Variants in TWF2 observed in about 807,000 individuals in gnomAD.
TWF2 encodes twinfilin-2.
A neutral mutation model predicts 45.1 loss-of-function variants in TWF2; 15 were observed. That is an observed-to-expected ratio of 0.33 (90% confidence interval 0.22 to 0.51). TWF2 has a LOEUF of 0.51. Among genes scored for constraint, TWF2 ranks in the 20% least tolerant of loss-of-function variants. The pLI, the probability that TWF2 is intolerant of heterozygous loss-of-function variation, is 0.97. For synonymous variants in TWF2, 177 were observed against 195.8 expected, an observed-to-expected ratio of 0.90 and a Z score of 0.80; for missense variants, 423 against 469.1, an observed-to-expected ratio of 0.90 and a Z score of 0.91.
intron 2 of TWF2, among the ~76,000 whole-genome samples, chr3:52,232,592 C>T (rs1699690071): frequency 6.6e-6 from 1 of 152,166 alleles, no homozygotes; most frequent in Non-Finnish European, 1.5e-5. Flanking sequence ...TGCTGAGGGG[C>T]AGGTCACAGC....
At chr3:52,231,376 G>C in intron 4 of TWF2, 68 bp downstream of exon 4, 1 of 1,591,290 alleles carries the variant, frequency 6.3e-7, no homozygotes, top group Non-Finnish European at 8.6e-7. Flanking sequence ...CTTGCTCTCT[G>C]ACCCTGCACA....
intron 1 of TWF2, 131 bp from the exon 2 acceptor site, chr3:52,235,237 G>A: frequency 1.1e-6 from 1 of 871,644 alleles, no homozygotes. Context: ...CCATGTGACT[G>A]GGAACCTGAG....
chr3:52,231,943 C>T lies in TWF2; in HGVS notation c.282+1G>A, dbSNP rs1699682655. ...TCACTTCCCACTGGCCCAGGACTCA[C>T]GGGGGAGTTATCAGGCGACCAGGCG... On this transcript the variant is annotated splice_donor_variant, in intron 3 of 8. Transcript: ENST00000305533. LOFTEE classifies it high-confidence loss of function. The T allele has an allele frequency of 2.5e-6, 4 of 1,611,216 alleles. No homozygotes were observed. Among genetic ancestry groups the T allele is most frequent in the South Asian group, 2.2e-5 (2 of 90,628 alleles).
chr3:52,238,949 A>G, intron 1 of TWF2, 43 bp downstream of exon 1: 1 of 1,568,844 alleles, frequency 6.4e-7, no homozygotes, highest in South Asian at 1.1e-5. Context: ...CGCTTCCGAG[A>G]GCCCAGACCG....
intron 2 of TWF2, among the ~76,000 whole-genome samples, chr3:52,232,654 G>A (rs924992548): frequency 6.6e-6 from 1 of 152,198 alleles, no homozygotes; most frequent in African/African-American, 2.4e-5. Context: ...GGAGGAGCAG[G>A]GGCTCCTACC....
Position 52,230,041 on chromosome 3 carries a change from C to T in TWF2, c.639G>A (p.Glu213=), listed in dbSNP as rs1354091018. ...MKLDLERETI[E]LVHTEPTDVA... ...CATCCGTGGGCTCTGTGTGCACCAG[C>T]TCAATGGTTTCCCGCTCTAGGTCCA... Residue 213 remains glutamate (E), a synonymous_variant, in exon 7 of 9, where the codon GAG becomes GAA. Transcript: ENST00000305533. The T allele has an allele frequency of 2.5e-6, 4 of 1,604,880 alleles. No homozygotes were observed. The Admixed American group carries it at 6.7e-5, about 27-fold the overall frequency.
At chr3:52,234,990 AC>A in intron 2 of TWF2, 38 bp downstream of exon 2, 3 of 1,606,922 alleles carry the variant, frequency 1.9e-6, no homozygotes, top group Non-Finnish European at 1.7e-6. Flanking sequence ...AGCAGAGTCC[AC>A]CCCCAAGCCT....
chr3:52,232,364 C>CCCA (rs1428794128), intron 2 of TWF2: 1 of 539,850 alleles, frequency 1.9e-6, no homozygotes, highest in African/African-American at 1.9e-5. Context: ...ACACACCCCC[C>CCCA]CACACACACA....
Position 52,228,902 on chromosome 3 carries a change from C to T in TWF2, c.*132G>A. On this transcript the variant is annotated 3_prime_UTR_variant, in exon 9 of 9. Coordinates refer to ENST00000305533, the MANE Select transcript of TWF2 (RefSeq NM_007284.4). ...CCAGCCCGGTGGCCCTCGGACGCTG[C>T]AAGTGCGTTCAGCTGCCAGCCCTCC... The T allele has an allele frequency of 1.4e-6, 2 of 1,382,170 alleles. No homozygotes were observed. The highest frequency in any genetic ancestry group is 2.9e-5 in the South Asian group (2 of 69,866). The allele number at this position is 1,382,170 out of a possible 1,614,324, so 85.6% of individuals were successfully genotyped here.
At chr3:52,234,484 A>G (rs1163276545) in intron 2 of TWF2, among the ~76,000 whole-genome samples, 1 of 152,190 alleles carries the variant, frequency 6.6e-6, no homozygotes, top group African/African-American at 2.4e-5. Flanking sequence ...CCAGGTCCTC[A>G]GGGGCAAGGC....
At position 52,234,964 on chromosome 3, in the gene TWF2, C is replaced by A. The variant is rs529131011; in HGVS notation, c.103+65G>T. 2.9e-5 allele frequency: 45 copies of A among 1,576,796 alleles called. No individual in the cohort carries two copies. The Admixed American group carries it at 7.2e-4, about 25-fold the overall frequency. ...AGGCCAGGGGCCAACATCCTCCTTC[C>A]CCCACCCACAGAGGCAGCAGAGTCC... On this transcript the variant is annotated intron_variant, in intron 2 of 8. Coordinates refer to ENST00000305533, the MANE Select transcript of TWF2 (RefSeq NM_007284.4).
At chr3:52,237,815 A>T (rs1699741491) in intron 1 of TWF2, among the ~76,000 whole-genome samples, 1 of 152,214 alleles carries the variant, frequency 6.6e-6, no homozygotes, top group South Asian at 2.1e-4. Flanking sequence ...CCCAGCCACC[A>T]AGTGGCCACA....
intron 1 of TWF2, among the ~76,000 whole-genome samples, chr3:52,236,673 C>A (rs1699728873): frequency 6.6e-6 from 1 of 152,290 alleles, no homozygotes; most frequent in East Asian, 1.9e-4. Context: ...CAGGTGCCCC[C>A]CCTTTGCAGA....
Position 52,239,051 on chromosome 3 carries a change from C to G in TWF2, c.-35G>C, listed in dbSNP as rs767163829. 1 of 1,592,030 alleles carries G rather than the reference C, an allele frequency of 6.3e-7. No homozygotes were observed. The highest frequency in any genetic ancestry group is 1.3e-5 in the African/African-American group (1 of 74,602). ...CTTCGCTCCGTCCGCGCCGTCGGAG[C>G]CCTCCGCTTGACCCTGGCCCGGCAA... On this transcript the variant is annotated 5_prime_UTR_variant, in exon 1 of 9. Coordinates refer to ENST00000305533, the MANE Select transcript of TWF2 (RefSeq NM_007284.4).
rs1260823979 is a variant in TWF2 at position 52,232,378 on chromosome 3, G to A, written c.104-256C>T. ...CACACACCCCCCCACACACACACACGTGCGCAGATCACCAACACAAACAGC... is the reference window on the plus strand; with the variant it reads ...CACACACCCCCCCACACACACACACATGCGCAGATCACCAACACAAACAGC... On this transcript the variant is annotated intron_variant, in intron 2 of 8. Transcript: ENST00000305533. The A allele has an allele frequency of 1.9e-5, 10 of 538,922 alleles. No homozygotes were observed. In the Admixed American group the frequency reaches 2.2e-4, roughly 12 times the overall value. 33.4% of individuals were successfully genotyped at this position (538,922 alleles called of 1,614,324 possible). A position where few individuals can be genotyped will look rare whatever the true frequency, so the allele number is the denominator to read the frequency against.
chr3:52,236,971 T>G (rs1299453259), intron 1 of TWF2, among the ~76,000 whole-genome samples: 3 of 152,118 alleles, frequency 2.0e-5, no homozygotes, highest in Non-Finnish European at 4.4e-5. Context: ...AGCCCCAAAC[T>G]TGGCAGGGCT....
In TWF2 at chr3:52,234,727, G is replaced by A. The variant is rs142152005; in HGVS notation, c.103+302C>T. The stretch of plus-strand genomic sequence containing the variant: ...CCTGCCCCTCTGCCCAGCCCAGCTC[G>A]GCATCCTGGCCAGGCCCATCTGAAT... On this transcript the variant is annotated intron_variant, in intron 2 of 8. Coordinates refer to ENST00000305533, the MANE Select transcript of TWF2 (RefSeq NM_007284.4). Among the ~76,000 whole-genome samples the A allele has an allele frequency of 3.9e-3, 593 of 152,296 alleles. 5 individuals carry two copies. Among genetic ancestry groups the A allele is most frequent in the South Asian group, 0.023 (112 of 4,826 alleles).
chr3:52,231,194 G>A lies in TWF2; in HGVS notation c.416C>T (p.Ser139Leu), dbSNP rs202032026. The stretch of plus-strand genomic sequence containing the variant: ...CAGCGGGGCAGGTGCCGCACAGGAC[G>A]ACAGGTGTTTCTGGTACCCAGCAAA... ...LSFAGYQKHLSSCAAPAPLTS... is the reference protein window; with the variant it reads ...LSFAGYQKHLLSCAAPAPLTS... The change falls in exon 5 of 9, where the codon TCG becomes TTG. Residue 139 changes from serine to leucine, a missense_variant. Ser to Leu is a moderately radical substitution (Grantham distance 145, BLOSUM62 -2). Transcript: ENST00000305533. 173 of 1,613,920 alleles carry A rather than the reference G, an allele frequency of 1.1e-4. No homozygotes were observed. Among genetic ancestry groups the A allele is most frequent in the African/African-American group, 3.3e-4 (25 of 74,882 alleles).
intron 3 of TWF2, among the ~76,000 whole-genome samples, 197 bp from the exon 4 acceptor site, chr3:52,231,736 C>T (rs948867283): frequency 6.6e-6 from 1 of 152,222 alleles, no homozygotes; most frequent in Admixed American, 6.5e-5. Context: ...GCCTCCGGAG[C>T]CAGGCTGATG....
Sources: allele counts gnomAD v4.1 joint callset (sites outside exome capture counted in the v4.1 genomes callset), GRCh38; gene constraint gnomAD v4.1.1; transcripts MANE v1.5; gene names NCBI Gene and HGNC (gene_info 2026-07-23, HGNC 2026-07-21).